The following NRXN3 variants were observed in gnomAD, a reference collection of about 807,000 sequenced individuals.
The protein encoded by NRXN3 is neurexin 3, also known as neurexin III.
In NRXN3, 32 loss-of-function variants were observed where a neutral mutation model predicts 137.6. The observed-to-expected ratio is 0.23, with a 90% confidence interval of 0.18 to 0.31. The LOEUF (loss-of-function observed/expected upper bound fraction) is 0.31, where lower values mean the gene tolerates loss of function less well. Ranked by LOEUF, NRXN3 falls within the 10% of genes least tolerant of loss-of-function variation. The pLI, the probability that NRXN3 is intolerant of heterozygous loss-of-function variation, is 1.00. For synonymous variants in NRXN3, 798 were observed against 784.5 expected (o/e 1.02, Z -0.29); for missense variants, 1,574 against 2,062.5 (o/e 0.76, Z 4.59).
chr14:78,866,684 T>TG (rs1182488412), intron 10 of NRXN3, among the ~76,000 whole-genome samples: 1 of 152,152 alleles, frequency 6.6e-6, no homozygotes, highest in African/African-American at 2.4e-5. Context: ...CTGGTTATCC[T>TG]TGTATGATCA....
At chr14:79,379,195 T>A (rs1283030555) in intron 15 of NRXN3, among the ~76,000 whole-genome samples, 1 of 152,216 alleles carries the variant, frequency 6.6e-6, no homozygotes, top group African/African-American at 2.4e-5. Flanking sequence ...ACCAATTTCT[T>A]TTCTTAAACC....
At chr14:79,445,105 G>T (rs1388644708) in intron 15 of NRXN3, among the ~76,000 whole-genome samples, 1 of 152,102 alleles carries the variant, frequency 6.6e-6, no homozygotes, top group Non-Finnish European at 1.5e-5. Context: ...AATTTTAGAG[G>T]CTGAGGCGGG....
At chr14:79,511,543 C>T (rs1242096080) in intron 16 of NRXN3, among the ~76,000 whole-genome samples, 1 of 152,186 alleles carries the variant, frequency 6.6e-6, no homozygotes, top group African/African-American at 2.4e-5. Context: ...GCTATTCAGC[C>T]TAGATTTTCT....
intron 10 of NRXN3, among the ~76,000 whole-genome samples, chr14:78,847,885 C>A (rs1286081572): frequency 6.6e-6 from 1 of 152,096 alleles, no homozygotes; most frequent in East Asian, 1.9e-4. Context: ...TCACTCGCCA[C>A]CCTACTTGTA....
At chr14:79,096,095 T>A (rs894248963) in intron 15 of NRXN3, among the ~76,000 whole-genome samples, 1 of 151,898 alleles carries the variant, frequency 6.6e-6, no homozygotes, top group African/African-American at 2.4e-5. Flanking sequence ...TTTGATTTTT[T>A]AATTTTATTC....
chr14:79,043,688 T>A (rs1308483326), intron 15 of NRXN3, among the ~76,000 whole-genome samples: 1 of 152,140 alleles, frequency 6.6e-6, no homozygotes, highest in African/African-American at 2.4e-5. Flanking sequence ...GTGGCGGCAG[T>A]GTGGCTTGTG....
At chr14:79,347,314 C>G (rs1443754514) in intron 15 of NRXN3, among the ~76,000 whole-genome samples, 1 of 151,784 alleles carries the variant, frequency 6.6e-6, no homozygotes, top group Non-Finnish European at 1.5e-5. Context: ...TTAACTTGAT[C>G]TAGTTTCAGA....
intron 16 of NRXN3, 78 bp from the exon 17 acceptor site, chr14:79,663,700 C>T: frequency 7.8e-7 from 1 of 1,288,360 alleles, no homozygotes; most frequent in South Asian, 1.4e-5. Flanking sequence ...AGGTTTATTG[C>T]TGGTTGGAGG....
At chr14:78,897,493 C>G (rs2099180853) in intron 10 of NRXN3, among the ~76,000 whole-genome samples, 3 of 151,746 alleles carry the variant, frequency 2.0e-5, no homozygotes, top group Admixed American at 2.0e-4. Context: ...GAGGACAAAG[C>G]TACAGTTATG....
chr14:79,332,231 T>A (rs1175146794), intron 15 of NRXN3, among the ~76,000 whole-genome samples: 1 of 152,216 alleles, frequency 6.6e-6, no homozygotes. Flanking sequence ...GCACCAACCT[T>A]ATACTGCTTA....
At chr14:78,926,940 AT>A (rs1245780397) in intron 10 of NRXN3, among the ~76,000 whole-genome samples, 1 of 43,394 alleles carries the variant, frequency 2.3e-5, no homozygotes, top group Non-Finnish European at 3.5e-5. Context: ...ATATTTATAT[AT>A]ATATATAATA....
chr14:79,390,544 G>A (rs1197013027), intron 15 of NRXN3, among the ~76,000 whole-genome samples: 3 of 152,014 alleles, frequency 2.0e-5, no homozygotes, highest in Non-Finnish European at 4.4e-5. Context: ...ACTCAAGACT[G>A]GGAGATTCTC....
At chr14:79,279,557 C>G in intron 15 of NRXN3, 3 of 986,288 alleles carry the variant, frequency 3.0e-6, no homozygotes, top group Non-Finnish European at 3.6e-6. Flanking sequence ...GGTTCCTCCT[C>G]CTCTCCTCTT....
At chr14:79,709,646 T>TCTGC (rs1364764814) in intron 19 of NRXN3, among the ~76,000 whole-genome samples, 1 of 152,176 alleles carries the variant, frequency 6.6e-6, no homozygotes, top group Non-Finnish European at 1.5e-5. Flanking sequence ...ATTTTTCTGC[T>TCTGC]CTGCCTCTCC....
Position 79,148,571 on chromosome 14 carries a change from A to G in NRXN3, c.3262+160430A>G, listed in dbSNP as rs574203499. Among the ~76,000 whole-genome samples the G allele has an allele frequency of 1.8e-4, 27 of 152,242 alleles. No individual in the cohort carries two copies. The South Asian group carries it at 5.2e-3, about 29-fold the overall frequency. ...CCCTCATCTTCTTTCTGCTGACTTC[A>G]TAAGAACATGGTTCACTTTCACTGC... On this transcript the variant is annotated intron_variant, in intron 15 of 20. Coordinates refer to ENST00000335750, the MANE Select transcript of NRXN3 (RefSeq NM_001330195.2).
chr14:78,258,855 G>A lies in NRXN3; in HGVS notation c.709+15053G>A, dbSNP rs144612917. 3.0e-3 allele frequency among the ~76,000 whole-genome samples: 456 copies of A among 152,198 alleles called. 3 individuals carry two copies. Among genetic ancestry groups the A allele is most frequent in the Admixed American group, 3.1e-3 (48 of 15,288 alleles). ...TGTTCATTTAAGAACATTCCTGGCCGGGCGCGGTGGCTCACACCTGTAATC... is the reference window on the plus strand; with the variant it reads ...TGTTCATTTAAGAACATTCCTGGCCAGGCGCGGTGGCTCACACCTGTAATC... On this transcript the variant is annotated intron_variant, in intron 2 of 20. Coordinates refer to ENST00000335750, the MANE Select transcript of NRXN3 (RefSeq NM_001330195.2).
At chr14:78,387,890 G>A (rs1252815390) in intron 4 of NRXN3, among the ~76,000 whole-genome samples, 2 of 152,158 alleles carry the variant, frequency 1.3e-5, no homozygotes, top group African/African-American at 4.8e-5. Context: ...ATGTGCCAGA[G>A]CTGCATTCTT....
chr14:79,073,021 G>C (rs1409755306), intron 15 of NRXN3, among the ~76,000 whole-genome samples: 1 of 151,894 alleles, frequency 6.6e-6, no homozygotes, highest in Non-Finnish European at 1.5e-5. Context: ...TGAGTAGCTG[G>C]AATTACAGGT....
intron 4 of NRXN3, among the ~76,000 whole-genome samples, chr14:78,626,213 A>G (rs1266749651): frequency 6.6e-6 from 1 of 152,154 alleles, no homozygotes; most frequent in Non-Finnish European, 1.5e-5. Flanking sequence ...TTCCCTTTAC[A>G]TAGCTTGTTA....
Sources: gnomAD v4.1 joint callset for allele counts (sites outside exome capture counted in the v4.1 genomes callset) on GRCh38, gnomAD v4.1.1 for gene constraint, MANE v1.5 for transcripts, NCBI Gene and HGNC (gene_info 2026-07-23, HGNC 2026-07-21) for gene names.